NIPBL: variants seen among roughly 807,000 people sequenced by gnomAD.
The protein encoded by NIPBL is nipped-B-like protein.
Under a neutral mutation model 321.8 loss-of-function variants are expected in NIPBL, and 19 were observed. The observed-to-expected ratio is 0.06, with a 90% CI of 0.04 to 0.09. NIPBL has a LOEUF of 0.09. Among genes scored for constraint, NIPBL ranks in the 10% least tolerant of loss-of-function variants. NIPBL has a pLI of 1.00. For synonymous variants in NIPBL, 1,106 were observed against 1,114.1 expected, an observed-to-expected ratio of 0.99 and a Z score of 0.14; for missense variants, 2,210 against 3,327.0, an observed-to-expected ratio of 0.66 and a Z score of 8.26.
intron 1 of NIPBL, among the ~76,000 whole-genome samples, chr5:36,913,373 T>C (rs573052018): frequency 6.9e-4 from 104 of 151,726 alleles, no homozygotes; most frequent in African/African-American, 2.5e-3. Context: ...TGCCTAGTTT[T>C]CTTATTTCCT....
At chr5:37,021,932 A>G (rs1749697506) in intron 27 of NIPBL, 119 bp from the exon 28 acceptor site, 1 of 783,752 alleles carries the variant, frequency 1.3e-6, no homozygotes, top group Non-Finnish European at 2.2e-6. Flanking sequence ...TTACTCATTT[A>G]TATACAGATT....
At chr5:37,046,227 A>G in intron 38 of NIPBL, 28 bp downstream of exon 38, 1 of 1,240,980 alleles carries the variant, frequency 8.1e-7, no homozygotes, top group Non-Finnish European at 1.2e-6. Context: ...TATAATTTGT[A>G]GCTATTTGAG....
intron 29 of NIPBL, 23 bp from the exon 30 acceptor site, chr5:37,024,556 GACTCTT>G: frequency 6.3e-7 from 1 of 1,583,916 alleles, no homozygotes; most frequent in East Asian, 2.3e-5. Context: ...CAATTTTTCT[GACTCTT>G]AAAAATACCT....
At chr5:36,989,193 C>G (rs1745183062) in intron 10 of NIPBL, among the ~76,000 whole-genome samples, 1 of 152,160 alleles carries the variant, frequency 6.6e-6, no homozygotes, top group Non-Finnish European at 1.5e-5. Flanking sequence ...TTGTTAATAA[C>G]TCTTCACCCT....
chr5:36,947,639 T>G (rs1261140349), intron 1 of NIPBL, among the ~76,000 whole-genome samples: 4 of 152,028 alleles, frequency 2.6e-5, no homozygotes, highest in African/African-American at 4.8e-5. Context: ...ATTTAAATAT[T>G]CAGAGAAATC....
intron 21 of NIPBL, among the ~76,000 whole-genome samples, chr5:37,012,980 G>A (rs1010750692): frequency 3.3e-5 from 5 of 152,194 alleles, no homozygotes; most frequent in African/African-American, 9.7e-5. Flanking sequence ...GAGCTGTTGG[G>A]TACACTTCCC....
chr5:37,059,993 A>G (rs534725133), intron 44 of NIPBL, among the ~76,000 whole-genome samples: 4 of 152,336 alleles, frequency 2.6e-5, no homozygotes, highest in Admixed American at 1.3e-4. Context: ...ATTAGGAATC[A>G]CAAAATCAAA....
intron 1 of NIPBL, among the ~76,000 whole-genome samples, chr5:36,877,531 G>T (rs1279781956): frequency 1.3e-5 from 2 of 152,232 alleles, no homozygotes; most frequent in East Asian, 3.9e-4. Flanking sequence ...CCTCGCCCGG[G>T]AGTGGAGCCG....
intron 42 of NIPBL, among the ~76,000 whole-genome samples, chr5:37,054,374 T>C (rs1053710826): frequency 6.6e-6 from 1 of 152,216 alleles, no homozygotes; most frequent in Non-Finnish European, 1.5e-5. Context: ...AGTATTAAGT[T>C]TGCATTGTGT....
At chr5:36,997,227 A>C (rs541786061) in intron 11 of NIPBL, among the ~76,000 whole-genome samples, 1 of 152,094 alleles carries the variant, frequency 6.6e-6, no homozygotes, top group African/African-American at 2.4e-5. Context: ...TCTAATAAAC[A>C]TATCACCCAT....
chr5:36,905,260 G>A (rs1186282151), intron 1 of NIPBL, among the ~76,000 whole-genome samples: 2 of 152,188 alleles, frequency 1.3e-5, no homozygotes, highest in African/African-American at 2.4e-5. Context: ...TAATGTGTGT[G>A]TTCATGGGAT....
In NIPBL at chr5:37,020,505, T is replaced by C; in HGVS notation, c.5057T>C (p.Leu1686Pro). 6.2e-7 allele frequency: 1 copy of C among 1,613,980 alleles called. No homozygotes were observed. The highest frequency in any genetic ancestry group is 1.3e-5 in the African/African-American group (1 of 75,028). Residue 1686 changes from leucine (L) to proline (P), a missense_variant, in exon 26 of 47, where the codon CTG becomes CCG. Physicochemically the swap from Leu to Pro is moderately conservative, Grantham distance 98 (BLOSUM62 -3). Transcript: ENST00000282516. ...GCCCAGTGGTTTCGAGACACAACTC[T>C]GGAAACAGAAAAAGCAATGAAATCA... ...YIAQWFRDTT[L>P]ETEKAMKSQK... is the part of the protein sequence containing the mutation.
chr5:37,049,363 A>G (rs751924309), intron 40 of NIPBL, 62 bp downstream of exon 40: 570 of 1,519,176 alleles, frequency 3.8e-4, no homozygotes, highest in Non-Finnish European at 5.1e-4. Flanking sequence ...AATTTGATAC[A>G]TTGTGATTAT....
In NIPBL at chr5:36,984,804, A is replaced by G; in HGVS notation, c.1624A>G (p.Ser542Gly). The G allele has an allele frequency of 6.2e-7, 1 of 1,613,918 alleles. No individual in the cohort carries two copies. Among genetic ancestry groups the G allele is most frequent in the Non-Finnish European group, 8.5e-7 (1 of 1,179,862 alleles). Reference protein sequence around the residue: ...GNGSRPALMVSIDLHQAGRVD... With the variant: ...GNGSRPALMVGIDLHQAGRVD... The stretch of plus-strand genomic sequence containing the variant: ...TGGGTCAAGGCCAGCATTAATGGTT[A>G]GCATTGATCTTCATCAGGCAGGAAG... The change falls in exon 10 of 47, where the codon AGC (serine) becomes GGC (glycine). Residue 542 changes from serine (S) to glycine (G), a missense_variant. Physicochemically the swap from Ser to Gly is moderately conservative, Grantham distance 56 (BLOSUM62 0). Coordinates refer to ENST00000282516, the MANE Select transcript of NIPBL (RefSeq NM_133433.4).
In NIPBL at chr5:36,999,195, T is replaced by A. The variant is rs539569415; in HGVS notation, c.3305-1178T>A. On this transcript the variant is annotated intron_variant, in intron 11 of 46. Transcript: ENST00000282516. ...AGCATAGAGTGCCTGGGCCAGAGGT[T>A]GGCATCCTTACATCTAAGCCAAGTA... Among the ~76,000 whole-genome samples the A allele has an allele frequency of 3.8e-4, 58 of 152,178 alleles. 1 individual carries two copies. Among genetic ancestry groups the A allele is most frequent in the Non-Finnish European group, 2.4e-4 (16 of 68,012 alleles).
chr5:36,936,579 A>G (rs1433770083), intron 1 of NIPBL, among the ~76,000 whole-genome samples: 1 of 152,168 alleles, frequency 6.6e-6, no homozygotes, highest in Admixed American at 6.6e-5. Flanking sequence ...TGTCCCTGTC[A>G]TTATGTGACC....
At chr5:37,007,276 T>C (rs780270612) in intron 17 of NIPBL, 47 bp from the exon 18 acceptor site, 8 of 1,538,616 alleles carry the variant, frequency 5.2e-6, no homozygotes, top group Non-Finnish European at 7.2e-6. Flanking sequence ...TTATTAAAAA[T>C]TATTAAAAGT....
intron 1 of NIPBL, among the ~76,000 whole-genome samples, chr5:36,903,916 C>G (rs986253663): frequency 6.6e-6 from 1 of 151,936 alleles, no homozygotes; most frequent in African/African-American, 2.4e-5. Flanking sequence ...AATAAGCAGA[C>G]AGATTTATAG....
At chr5:36,946,145 T>TC (rs1264428962) in intron 1 of NIPBL, among the ~76,000 whole-genome samples, 2 of 151,998 alleles carry the variant, frequency 1.3e-5, no homozygotes, top group Non-Finnish European at 2.9e-5. Context: ...CTTTTCATTC[T>TC]CCCCCCAGAA....
Sources: gnomAD v4.1 joint callset for allele counts (sites outside exome capture counted in the v4.1 genomes callset) on GRCh38, gnomAD v4.1.1 for gene constraint, MANE v1.5 for transcripts, NCBI Gene and HGNC (gene_info 2026-07-23, HGNC 2026-07-21) for gene names.